Variants in ANKRD55 observed in about 807,000 individuals in gnomAD.
The protein encoded by ANKRD55 is ankyrin repeat domain 55.
In ANKRD55, 41 loss-of-function variants were observed where a neutral mutation model predicts 60.6. That is an observed-to-expected ratio of 0.68 (90% CI 0.53 to 0.88). ANKRD55 has a LOEUF of 0.88. ANKRD55 is among the 40% of genes least tolerant of loss of function. ANKRD55 has a pLI of 0.00. For missense variants in ANKRD55, 732 were observed against 767.6 expected, an observed-to-expected ratio of 0.95 and a Z score of 0.55; for synonymous variants, 264 against 290.3, an observed-to-expected ratio of 0.91 and a Z score of 0.92.
At chr5:56,145,079 G>C (rs895191015) in intron 6 of ANKRD55, among the ~76,000 whole-genome samples, 9 of 152,216 alleles carry the variant, frequency 5.9e-5, no homozygotes, top group Non-Finnish European at 8.8e-5. Context: ...CCTCAGCCTA[G>C]ACAGGAGCAC....
intron 2 of ANKRD55, among the ~76,000 whole-genome samples, chr5:56,231,003 A>G (rs1760238555): frequency 6.6e-6 from 1 of 152,142 alleles, no homozygotes; most frequent in Non-Finnish European, 1.5e-5. Flanking sequence ...CCTCACAACA[A>G]CCCTGCTAGG....
intron 7 of ANKRD55, among the ~76,000 whole-genome samples, chr5:56,140,012 C>G (rs895978148): frequency 6.6e-6 from 1 of 152,084 alleles, no homozygotes; most frequent in Non-Finnish European, 1.5e-5. Context: ...CTTAGTTTAC[C>G]TAGTAGGCCT....
rs371100074 is a variant in ANKRD55, at chr5:56,176,298, T to G, written c.182-16A>C. The stretch of plus-strand genomic sequence containing the variant: ...GGCGTGCATCCTGGAATGAGACATT[T>G]CAACAGCCTTTAAACATGTGTGACC... On this transcript the variant is annotated splice_polypyrimidine_tract_variant and intron_variant, in intron 3 of 11. Transcript: ENST00000341048. 126 of 1,614,186 alleles carry G rather than the reference T, an allele frequency of 7.8e-5. No homozygotes were observed. The highest frequency in any genetic ancestry group is 3.8e-4 in the East Asian group (17 of 44,890).
chr5:56,187,292 A>G (rs1283705193), intron 2 of ANKRD55, among the ~76,000 whole-genome samples: 1 of 152,228 alleles, frequency 6.6e-6, no homozygotes, highest in Non-Finnish European at 1.5e-5. Context: ...ATCAGGTAGT[A>G]AAGAGAGCTC....
intron 5 of ANKRD55, chr5:56,161,835 A>G (rs1187002320): frequency 2.9e-6 from 1 of 344,126 alleles, no homozygotes; most frequent in Non-Finnish European, 4.1e-6. Context: ...CATCTCTTTT[A>G]TGCTCTCTGA....
intron 2 of ANKRD55, chr5:56,192,775 C>A: frequency 9.5e-7 from 1 of 1,048,924 alleles, no homozygotes; most frequent in Non-Finnish European, 1.4e-6. Context: ...AAGATGAGAA[C>A]ACAGACATCG....
At chr5:56,179,377 GA>G (rs1417925606) in intron 3 of ANKRD55, among the ~76,000 whole-genome samples, 15 of 152,214 alleles carry the variant, frequency 9.9e-5, no homozygotes, top group African/African-American at 3.4e-4. Flanking sequence ...AAAAAGGAAA[GA>G]TATACACCAG....
intron 5 of ANKRD55, among the ~76,000 whole-genome samples, chr5:56,161,574 G>C (rs1431441332): frequency 6.6e-6 from 1 of 152,118 alleles, no homozygotes; most frequent in Middle Eastern, 3.2e-3. Context: ...ATGGACTTCT[G>C]GTTATTTGCG....
chr5:56,226,347 A>G (rs1180742192), intron 2 of ANKRD55, among the ~76,000 whole-genome samples: 2 of 152,250 alleles, frequency 1.3e-5, no homozygotes, highest in Non-Finnish European at 2.9e-5. Context: ...TGGATTAAAT[A>G]CTTAAATGTC....
At chr5:56,203,060 ACACATGTT>A (rs1301992690) in intron 2 of ANKRD55, among the ~76,000 whole-genome samples, 1 of 152,190 alleles carries the variant, frequency 6.6e-6, no homozygotes, top group Non-Finnish European at 1.5e-5. Flanking sequence ...TTAATTTAGT[ACACATGTT>A]CTGCTCAGAT....
chr5:56,150,324 GC>G (rs1052379017), intron 6 of ANKRD55, among the ~76,000 whole-genome samples: 1 of 151,990 alleles, frequency 6.6e-6, no homozygotes, highest in African/African-American at 2.4e-5. Context: ...AGCAGTTTGT[GC>G]TCCTACCATC....
intron 10 of ANKRD55, among the ~76,000 whole-genome samples, chr5:56,105,289 G>A (rs1221775407): frequency 6.6e-6 from 1 of 152,158 alleles, no homozygotes; most frequent in African/African-American, 2.4e-5. Flanking sequence ...GTTTCACCAT[G>A]TTGGCCAGGC....
chr5:56,157,278 A>C (rs1490911349), intron 6 of ANKRD55, among the ~76,000 whole-genome samples: 1 of 152,206 alleles, frequency 6.6e-6, no homozygotes, highest in Non-Finnish European at 1.5e-5. Context: ...GTACCCAGGG[A>C]CACAAAACAC....
intron 2 of ANKRD55, among the ~76,000 whole-genome samples, chr5:56,208,023 TTTAAG>T (rs1561292737): frequency 6.6e-6 from 1 of 152,220 alleles, no homozygotes; most frequent in Admixed American, 6.5e-5. Flanking sequence ...ATCCTTATCC[TTTAAG>T]TTTTTTTCTA....
chr5:56,162,213 T>C (rs1277825380), intron 5 of ANKRD55, among the ~76,000 whole-genome samples: 1 of 151,924 alleles, frequency 6.6e-6, no homozygotes, highest in Non-Finnish European at 1.5e-5. Flanking sequence ...AGAATGGGGG[T>C]AGGGAGAGCA....
At chr5:56,153,859 A>C (rs1758120705) in intron 6 of ANKRD55, among the ~76,000 whole-genome samples, 1 of 151,744 alleles carries the variant, frequency 6.6e-6, no homozygotes, top group African/African-American at 2.4e-5. Context: ...ACAACAACAA[A>C]AAAGGAATGA....
At chr5:56,195,872 C>A (rs1561288251) in intron 2 of ANKRD55, among the ~76,000 whole-genome samples, 1 of 152,162 alleles carries the variant, frequency 6.6e-6, no homozygotes, top group Non-Finnish European at 1.5e-5. Context: ...AAAACATGCA[C>A]CAATTTTTAC....
chr5:56,188,397 C>T (rs1355327353), intron 2 of ANKRD55, among the ~76,000 whole-genome samples: 1 of 148,270 alleles, frequency 6.7e-6, no homozygotes. Flanking sequence ...AAAAAGAAAT[C>T]TTAGCCTAGG....
intron 2 of ANKRD55, among the ~76,000 whole-genome samples, chr5:56,198,260 T>G (rs533322438): frequency 8.5e-5 from 13 of 152,266 alleles, no homozygotes; most frequent in Middle Eastern, 3.4e-3. Flanking sequence ...AAATCTAGAA[T>G]TTTAAATTAA....
Sources: gnomAD v4.1 joint callset for allele counts (sites outside exome capture counted in the v4.1 genomes callset) on GRCh38, gnomAD v4.1.1 for gene constraint, MANE v1.5 for transcripts, NCBI Gene and HGNC (gene_info 2026-07-23, HGNC 2026-07-21) for gene names.